SAMD5: variants seen among roughly 807,000 people sequenced by gnomAD.
SAMD5 encodes sterile alpha motif domain containing 5, also known as sterile alpha motif domain-containing protein 5.
A neutral mutation model predicts 11.3 loss-of-function variants in SAMD5; 13 were observed. The observed-to-expected ratio is 1.15, with a 90% CI of 0.75 to 1.83. The LOEUF (loss-of-function observed/expected upper bound fraction) is 1.83. Ranked by LOEUF, SAMD5 falls within the 40% of genes most tolerant of loss-of-function variation. The pLI is 0.00. For missense variants in SAMD5, 255 were observed against 239.1 expected (o/e 1.07, Z -0.44); for synonymous variants, 129 against 111.3 (o/e 1.16, Z -1.00).
chr6:147,732,267 C>A (rs1309129848), intron 1 of SAMD5, among the ~76,000 whole-genome samples: 1 of 152,106 alleles, frequency 6.6e-6, no homozygotes, highest in East Asian at 1.9e-4. Context: ...CCTAATCAAG[C>A]GTCTTGAAAG....
chr6:147,806,686 A>G, the SAMD5 span, among the ~76,000 whole-genome samples: 1,874 of 152,194 alleles, frequency 0.012, 48 homozygotes, highest in African/African-American at 0.042. Flanking sequence ...TCTTGCCTGC[A>G]CTAATTTTTG....
intron 1 of SAMD5, among the ~76,000 whole-genome samples, chr6:147,685,278 C>T (rs189782526): frequency 6.6e-6 from 1 of 152,222 alleles, no homozygotes; most frequent in East Asian, 1.9e-4. Flanking sequence ...CTCGCTGCAA[C>T]CTCCACCTCC....
intron 1 of SAMD5, among the ~76,000 whole-genome samples, chr6:147,701,585 GATTGTGCCTCACTGCAAGTGAGCCAAA>G (rs1044287480): frequency 4.6e-5 from 7 of 150,598 alleles, no homozygotes; most frequent in African/African-American, 1.7e-4. Flanking sequence ...AGTGAGCCAA[GATTGTGCCTCACTGCAAGTGAGCCAAA>G]ATTGTGCCCT....
Position 147,565,664 on chromosome 6 carries a change from T to C in SAMD5, c.*1208T>C, listed in dbSNP as rs1789026320. On this transcript the variant is annotated 3_prime_UTR_variant, in exon 2 of 2. Coordinates refer to ENST00000367474, the MANE Select transcript of SAMD5 (RefSeq NM_001030060.3). ...TAGTAGAGATGGGGTTTTACCATGT[T>C]GGCCAGGCTGTTCTTGAACTCCTGG... 9.7e-6 allele frequency: 6 copies of C among 621,644 alleles called. No homozygotes were observed. The highest frequency in any genetic ancestry group is 7.1e-5 in the South Asian group (1 of 14,110). 38.5% of individuals were successfully genotyped at this position (621,644 alleles called of 1,614,324 possible). A position where few individuals can be genotyped will look rare whatever the true frequency, so the allele number is the denominator to read the frequency against.
At chr6:147,786,353 T>G in the SAMD5 span, among the ~76,000 whole-genome samples, 4 of 152,222 alleles carry the variant, frequency 2.6e-5, no homozygotes, top group African/African-American at 9.6e-5. Context: ...GAAGCTTGTT[T>G]TATAGTGACG....
At chr6:147,842,540 T>C in the SAMD5 span, among the ~76,000 whole-genome samples, 2 of 152,060 alleles carry the variant, frequency 1.3e-5, no homozygotes, top group Non-Finnish European at 2.9e-5. Context: ...ATCTTTACCA[T>C]TTCTAGAACC....
chr6:147,770,401 C>T, the SAMD5 span, among the ~76,000 whole-genome samples: 192 of 152,304 alleles, frequency 1.3e-3, 1 homozygote, highest in Middle Eastern at 0.017. Flanking sequence ...TCCACATGAA[C>T]TTATGACTAT....
chr6:147,884,321 A>C, the SAMD5 span, among the ~76,000 whole-genome samples: 1 of 152,188 alleles, frequency 6.6e-6, no homozygotes, highest in South Asian at 2.1e-4. Context: ...GCATCCACCA[A>C]GACGCCTCCT....
the SAMD5 span, among the ~76,000 whole-genome samples, chr6:147,930,606 C>T: frequency 6.6e-6 from 1 of 152,058 alleles, no homozygotes; most frequent in African/African-American, 2.4e-5. Flanking sequence ...TAGCATGGCT[C>T]CTAGGGCAGG....
intron 1 of SAMD5, among the ~76,000 whole-genome samples, chr6:147,662,800 C>A (rs989699130): frequency 1.3e-4 from 20 of 152,164 alleles, no homozygotes; most frequent in African/African-American, 3.9e-4. Flanking sequence ...GCTGTCAGGT[C>A]CCCTCTACAC....
At chr6:147,660,008 A>G (rs1440547981) in intron 1 of SAMD5, among the ~76,000 whole-genome samples, 1 of 152,072 alleles carries the variant, frequency 6.6e-6, no homozygotes, top group Non-Finnish European at 1.5e-5. Context: ...TCACGATGCT[A>G]TTAGGAGCAC....
At chr6:147,866,115 T>C in the SAMD5 span, among the ~76,000 whole-genome samples, 2 of 152,168 alleles carry the variant, frequency 1.3e-5, no homozygotes, top group Non-Finnish European at 2.9e-5. Flanking sequence ...GCTGAAATTT[T>C]TTTTTTTCCC....
At chr6:147,812,825 G>T in the SAMD5 span, among the ~76,000 whole-genome samples, 1 of 152,172 alleles carries the variant, frequency 6.6e-6, no homozygotes, top group African/African-American at 2.4e-5. Context: ...GATAGTATAT[G>T]TTGTGGATAT....
chr6:147,856,807 G>GGAATCAACACTGTAGAGGGGACAGC, the SAMD5 span, among the ~76,000 whole-genome samples: 1 of 110,642 alleles, frequency 9.0e-6, no homozygotes, highest in African/African-American at 4.5e-5. Flanking sequence ...TAATGACTTA[G>GGAATCAACACTGTAGAGGGGACAGC]TTTTCTGGGG....
intron 1 of SAMD5, among the ~76,000 whole-genome samples, chr6:147,604,800 G>C (rs1284607708): frequency 6.6e-6 from 1 of 152,136 alleles, no homozygotes; most frequent in Non-Finnish European, 1.5e-5. Context: ...TAGAATACCT[G>C]CAGTCTACAT....
chr6:147,725,632 A>C (rs1583155034), intron 1 of SAMD5, among the ~76,000 whole-genome samples: 2 of 152,030 alleles, frequency 1.3e-5, no homozygotes, highest in African/African-American at 4.8e-5. Flanking sequence ...CAGGTGATCC[A>C]CCCGCCTTGG....
intron 1 of SAMD5, among the ~76,000 whole-genome samples, chr6:147,626,270 T>C (rs1220254003): frequency 6.6e-6 from 1 of 152,046 alleles, no homozygotes; most frequent in Non-Finnish European, 1.5e-5. Context: ...AAAATTAAAC[T>C]CCTGTTTTCT....
chr6:147,755,056 T>G, the SAMD5 span, among the ~76,000 whole-genome samples: 2 of 152,170 alleles, frequency 1.3e-5, no homozygotes, highest in Non-Finnish European at 2.9e-5. Context: ...TCTTTTGTGG[T>G]TCCACATAAA....
chr6:147,539,627 T>A (rs1165888033), intron 1 of SAMD5, among the ~76,000 whole-genome samples: 1 of 151,942 alleles, frequency 6.6e-6, no homozygotes, highest in East Asian at 1.9e-4. Context: ...CGGTGCCTTC[T>A]GTTTTTCCCA....
Sources: gnomAD v4.1 joint callset for allele counts (sites outside exome capture counted in the v4.1 genomes callset) on GRCh38, gnomAD v4.1.1 for gene constraint, MANE v1.5 for transcripts, NCBI Gene and HGNC (gene_info 2026-07-23, HGNC 2026-07-21) for gene names.